Variants in TIPIN observed in about 807,000 individuals in gnomAD.
TIPIN encodes the protein TIMELESS-interacting protein.
Under a neutral mutation model 35.6 loss-of-function variants are expected in TIPIN, and 29 were observed. The ratio of observed to expected loss-of-function variants is 0.82; its 90% CI spans 0.61 to 1.11. The LOEUF is 1.11. Among genes scored for constraint, TIPIN ranks in the 50% most tolerant of loss-of-function variants. TIPIN has a pLI of 0.00. For missense variants in TIPIN, 296 were observed against 345.4 expected (o/e 0.86, Z 1.13); for synonymous variants, 102 against 121.5 (o/e 0.84, Z 1.06).
chr15:66,361,412 C>G (rs1006144336), upstream of TIPIN, among the ~76,000 whole-genome samples: 2 of 151,604 alleles, frequency 1.3e-5, no homozygotes, highest in African/African-American at 2.4e-5. Flanking sequence ...CCCGCCACCA[C>G]GCCCGGCTAA....
chr15:66,341,975 G>C (rs2093090526), intron 6 of TIPIN, among the ~76,000 whole-genome samples: 1 of 152,098 alleles, frequency 6.6e-6, no homozygotes, highest in Non-Finnish European at 1.5e-5. Flanking sequence ...CATGAGGTCA[G>C]GAGTTCAAGA....
chr15:66,342,202 A>T (rs1321880501), intron 6 of TIPIN, among the ~76,000 whole-genome samples: 2 of 127,808 alleles, frequency 1.6e-5, no homozygotes, highest in Non-Finnish European at 3.5e-5. Context: ...AAAAAAAAAA[A>T]AAAAAAGAAA....
intron 6 of TIPIN, among the ~76,000 whole-genome samples, chr15:66,345,219 G>A (rs929779289): frequency 1.3e-5 from 2 of 152,056 alleles, no homozygotes; most frequent in Non-Finnish European, 2.9e-5. Context: ...TACAAGGGAA[G>A]AGTGTTCCAG....
intron 4 of TIPIN, among the ~76,000 whole-genome samples, chr15:66,350,366 G>C (rs2093158962): frequency 6.6e-6 from 1 of 152,060 alleles, no homozygotes; most frequent in Non-Finnish European, 1.5e-5. Context: ...AGCACTGTGG[G>C]AGGCCGAGGC....
intron 6 of TIPIN, chr15:66,347,180 TGTTAAAA>T (rs2093131994): frequency 2.0e-6 from 1 of 494,036 alleles, no homozygotes; most frequent in Non-Finnish European, 4.0e-6. Context: ...CTTCCACATC[TGTTAAAA>T]GTTAAAAAAC....
At chr15:66,377,189 A>G (rs2093300208) in intron 1 of TIPIN, among the ~76,000 whole-genome samples, 1 of 151,814 alleles carries the variant, frequency 6.6e-6, no homozygotes, top group South Asian at 2.1e-4. Context: ...CCATATGTTC[A>G]ATAATATTGA....
chr15:66,380,120 G>A (rs1184466604), intron 1 of TIPIN, among the ~76,000 whole-genome samples: 1 of 148,932 alleles, frequency 6.7e-6, no homozygotes, highest in Non-Finnish European at 1.5e-5. Context: ...TCCTACCTCA[G>A]CCTCCTGAGT....
At chr15:66,339,351 T>C (rs2093069602) in intron 7 of TIPIN, among the ~76,000 whole-genome samples, 1 of 151,588 alleles carries the variant, frequency 6.6e-6, no homozygotes, top group African/African-American at 2.4e-5. Flanking sequence ...GCTCAAGTGA[T>C]CTGCCCACCT....
upstream of TIPIN, among the ~76,000 whole-genome samples, chr15:66,359,084 C>T (rs1380134052): frequency 1.3e-5 from 2 of 150,536 alleles, no homozygotes; most frequent in South Asian, 2.1e-4. Flanking sequence ...TCCCGGATGT[C>T]GAGGCTGCAG....
chr15:66,338,784 A>T (rs1383252022), intron 7 of TIPIN, among the ~76,000 whole-genome samples: 1 of 141,660 alleles, frequency 7.1e-6, no homozygotes, highest in Admixed American at 7.4e-5. Flanking sequence ...ATTGCACTCC[A>T]GCCTGGGTGA....
At chr15:66,359,176 C>CAG (rs1365005158), upstream of TIPIN, among the ~76,000 whole-genome samples, 14 of 51,632 alleles carry the variant, frequency 2.7e-4, no homozygotes, top group African/African-American at 1.3e-3. Flanking sequence ...CACACACAGA[C>CAG]ACACACACAC....
At chr15:66,340,511 C>A (rs1206826178) in intron 7 of TIPIN, among the ~76,000 whole-genome samples, 1 of 151,714 alleles carries the variant, frequency 6.6e-6, no homozygotes, top group East Asian at 1.9e-4. Flanking sequence ...TAATTATTGT[C>A]CTAAAGGTAA....
intron 1 of TIPIN, among the ~76,000 whole-genome samples, chr15:66,367,250 A>ATATCTATATCTGTATC (rs1566983221): frequency 1.8e-4 from 15 of 81,190 alleles, no homozygotes; most frequent in African/African-American, 5.5e-4. Context: ...ATATCTATCT[A>ATATCTATATCTGTATC]TATATCTATA....
At chr15:66,377,980 G>C (rs1028450585) in intron 1 of TIPIN, among the ~76,000 whole-genome samples, 1 of 151,974 alleles carries the variant, frequency 6.6e-6, no homozygotes, top group Non-Finnish European at 1.5e-5. Flanking sequence ...CAAGTAGCTG[G>C]GATTACAGGT....
chr15:66,338,747 G>A (rs1196177786), intron 7 of TIPIN, among the ~76,000 whole-genome samples: 1 of 150,428 alleles, frequency 6.6e-6, no homozygotes, highest in East Asian at 1.9e-4. Context: ...ACGGGAGGCG[G>A]GGCTTGCAGT....
At chr15:66,362,424 G>A (rs2093235623) in intron 1 of TIPIN, among the ~76,000 whole-genome samples, 1 of 151,770 alleles carries the variant, frequency 6.6e-6, no homozygotes, top group African/African-American at 2.4e-5. Flanking sequence ...GATCAGGTTT[G>A]AAAGAAGAGA....
At chr15:66,338,813 C>CAAAAAAAAAAAAAAAAAAAAAAAAAA (rs35966273) in intron 7 of TIPIN, among the ~76,000 whole-genome samples, 1 of 35,260 alleles carries the variant, frequency 2.8e-5, no homozygotes, top group East Asian at 8.1e-4. Context: ...GACTCCGTCT[C>CAAAAAAAAAAAAAAAAAAAAAAAAAA]AAAAAAAAAA....
At chr15:66,349,260 A>C (rs2140458006) in intron 5 of TIPIN, 55 bp downstream of exon 5, 3 of 1,606,782 alleles carry the variant, frequency 1.9e-6, no homozygotes, top group Non-Finnish European at 2.5e-6. Flanking sequence ...GCCTCAACTA[A>C]ATCTACCCTA....
intron 7 of TIPIN, among the ~76,000 whole-genome samples, chr15:66,340,730 G>A (rs2093080537): frequency 6.6e-6 from 1 of 151,868 alleles, no homozygotes; most frequent in South Asian, 2.1e-4. Flanking sequence ...CCAAGTAGTT[G>A]GGATTACTGG....
Sources: allele counts gnomAD v4.1 joint callset (sites outside exome capture counted in the v4.1 genomes callset), GRCh38; gene constraint gnomAD v4.1.1; transcripts MANE v1.5; gene names NCBI Gene and HGNC (gene_info 2026-07-23, HGNC 2026-07-21).